The following DCLRE1C variants were observed in gnomAD, a reference collection of about 807,000 sequenced individuals.
The protein encoded by DCLRE1C is DNA cross-link repair 1C.
A neutral mutation model predicts 61.4 loss-of-function variants in DCLRE1C; 47 were observed. The observed-to-expected ratio is 0.77, with a 90% CI of 0.61 to 0.98. The LOEUF (loss-of-function observed/expected upper bound fraction) is 0.98. Among genes scored for constraint, DCLRE1C ranks in the 50% least tolerant of loss-of-function variants. The pLI is 0.00. For missense variants in DCLRE1C, 858 were observed against 816.0 expected, an observed-to-expected ratio of 1.05 and a Z score of -0.63; for synonymous variants, 337 against 287.6, an observed-to-expected ratio of 1.17 and a Z score of -1.74.
chr10:14,953,159 C>T (rs931249398), intron 1 of DCLRE1C, among the ~76,000 whole-genome samples: 11 of 152,172 alleles, frequency 7.2e-5, no homozygotes, highest in African/African-American at 2.4e-4. Context: ...AGCATTAAAA[C>T]TGTTTTCCCT....
chr10:14,924,226 ATTC>A (rs2130800958), intron 11 of DCLRE1C, among the ~76,000 whole-genome samples: 1 of 152,364 alleles, frequency 6.6e-6, no homozygotes, highest in Non-Finnish European at 1.5e-5. Context: ...GAAGTGTCCC[ATTC>A]TTATGTGGCC....
At chr10:14,914,712 G>T (rs1008400968) in intron 13 of DCLRE1C, among the ~76,000 whole-genome samples, 2 of 152,156 alleles carry the variant, frequency 1.3e-5, no homozygotes, top group African/African-American at 2.4e-5. Flanking sequence ...TGGGAGGCAG[G>T]TGGATCACCT....
At chr10:14,948,957 G>C in intron 2 of DCLRE1C, 79 bp downstream of exon 2, 1 of 970,184 alleles carries the variant, frequency 1.0e-6, no homozygotes, top group East Asian at 2.4e-5. Context: ...TATATGCTTG[G>C]ATGTATATAC....
chr10:14,934,622 T>C, intron 7 of DCLRE1C, 81 bp downstream of exon 7: 1 of 1,612,622 alleles, frequency 6.2e-7, no homozygotes, highest in East Asian at 2.2e-5. Context: ...ACAGTTAGGA[T>C]ATGACCTGTC....
At chr10:14,934,310 A>G (rs1839515680) in intron 8 of DCLRE1C, 70 bp downstream of exon 8, 1 of 1,591,078 alleles carries the variant, frequency 6.3e-7, no homozygotes, top group African/African-American at 1.4e-5. Flanking sequence ...CCTGGGCAAC[A>G]TAGCAAGACT....
intron 4 of DCLRE1C, among the ~76,000 whole-genome samples, chr10:14,938,886 A>C (rs1404432877): frequency 6.6e-6 from 1 of 152,202 alleles, no homozygotes; most frequent in African/African-American, 2.4e-5. Flanking sequence ...TGTGACAAAA[A>C]ATAAGCCATG....
At chr10:14,931,810 G>T (rs1839042147) in intron 9 of DCLRE1C, among the ~76,000 whole-genome samples, 1 of 152,142 alleles carries the variant, frequency 6.6e-6, no homozygotes, top group African/African-American at 2.4e-5. Flanking sequence ...AGGCCAAGGA[G>T]AGCAGATCAC....
At chr10:14,930,383 T>C (rs1353281870) in intron 9 of DCLRE1C, among the ~76,000 whole-genome samples, 3 of 150,318 alleles carry the variant, frequency 2.0e-5, no homozygotes, top group African/African-American at 7.4e-5. Context: ...TCCACCTGCC[T>C]TGGCCTCCCA....
intron 3 of DCLRE1C, among the ~76,000 whole-genome samples, chr10:14,941,208 A>G (rs1462732645): frequency 6.6e-6 from 1 of 152,208 alleles, no homozygotes; most frequent in African/African-American, 2.4e-5. Flanking sequence ...TAATGCTATC[A>G]ATTTCCCTTC....
intron 13 of DCLRE1C, among the ~76,000 whole-genome samples, chr10:14,914,321 G>A (rs565164492): frequency 6.6e-6 from 1 of 152,106 alleles, no homozygotes; most frequent in Non-Finnish European, 1.5e-5. Flanking sequence ...TCCCTCAAGA[G>A]GATATAAGAA....
intron 9 of DCLRE1C, among the ~76,000 whole-genome samples, chr10:14,932,611 G>A (rs1839207667): frequency 6.6e-6 from 1 of 150,502 alleles, no homozygotes; most frequent in African/African-American, 2.5e-5. Context: ...ACTCCAGCCT[G>A]GGCGACAGAG....
intron 9 of DCLRE1C, among the ~76,000 whole-genome samples, chr10:14,930,941 T>G (rs1232294775): frequency 6.6e-6 from 1 of 152,246 alleles, no homozygotes; most frequent in Non-Finnish European, 1.5e-5. Context: ...AAACATTCCA[T>G]GCTGTGGATC....
rs1278294707 is a variant in DCLRE1C at position 14,906,924 on chromosome 10, G to T, written c.*1484C>A. Reference sequence around the variant, plus strand: ...AGATGGGGTCTTGCTTTGTTGCCCAGGCTGGGCACAATCAGCTCACTGCAG... The same window carrying T: ...AGATGGGGTCTTGCTTTGTTGCCCATGCTGGGCACAATCAGCTCACTGCAG... On this transcript the variant is annotated 3_prime_UTR_variant, in exon 14 of 14. Transcript: ENST00000378278. 2.6e-5 allele frequency among the ~76,000 whole-genome samples: 4 copies of T among 151,966 alleles called. No individual in the cohort carries two copies. The highest frequency in any genetic ancestry group is 2.0e-4 in the Admixed American group (3 of 15,260).
intron 1 of DCLRE1C, among the ~76,000 whole-genome samples, chr10:14,951,252 A>G (rs987315507): frequency 3.3e-5 from 5 of 151,854 alleles, no homozygotes; most frequent in Admixed American, 6.6e-5. Context: ...ATGATGGTGC[A>G]TGTCTGTAAT....
At chr10:14,913,699 TAAC>T (rs987912516) in intron 13 of DCLRE1C, among the ~76,000 whole-genome samples, 1 of 152,208 alleles carries the variant, frequency 6.6e-6, no homozygotes, top group Non-Finnish European at 1.5e-5. Context: ...TGATACAGTA[TAAC>T]AACTAGTTAC....
chr10:14,899,390 A>C (rs1833836783), intron 13 of DCLRE1C: 1 of 807,778 alleles, frequency 1.2e-6, no homozygotes, highest in South Asian at 1.7e-5. Flanking sequence ...TTTGCATCTG[A>C]GTCTTAGTTT....
intron 13 of DCLRE1C, among the ~76,000 whole-genome samples, chr10:14,912,626 T>C (rs911307088): frequency 6.6e-6 from 1 of 152,232 alleles, no homozygotes; most frequent in African/African-American, 2.4e-5. Context: ...TGCCACAGTA[T>C]AGATGTACCT....
At chr10:14,949,158 G>T (rs997869421) in intron 1 of DCLRE1C, 71 bp from the exon 2 acceptor site, 2 of 1,086,630 alleles carry the variant, frequency 1.8e-6, no homozygotes, top group Non-Finnish European at 2.8e-6. Flanking sequence ...GGAAACAGTC[G>T]TCTTCTTTTT....
intron 3 of DCLRE1C, among the ~76,000 whole-genome samples, chr10:14,941,397 GCCT>G (rs757150553): frequency 6.1e-4 from 92 of 152,034 alleles, no homozygotes; most frequent in Non-Finnish European, 1.0e-3. Flanking sequence ...TGATTTTTCT[GCCT>G]CAGCCTTCTG....
Sources: gnomAD v4.1 joint callset for allele counts (sites outside exome capture counted in the v4.1 genomes callset) on GRCh38, gnomAD v4.1.1 for gene constraint, MANE v1.5 for transcripts, NCBI Gene and HGNC (gene_info 2026-07-23, HGNC 2026-07-21) for gene names.